Variants in MEGF11 observed in about 807,000 individuals in gnomAD.
The protein encoded by MEGF11 is multiple EGF like domains 11.
In MEGF11, 126 loss-of-function variants were observed where a neutral mutation model predicts 146.6. The observed-to-expected ratio is 0.86, with a 90% CI of 0.74 to 1.00. The LOEUF is 1.00. Ranked by LOEUF, MEGF11 falls within the 50% of genes least tolerant of loss-of-function variation. The pLI is 0.00. For missense variants in MEGF11, 1,509 were observed against 1,521.2 expected (o/e 0.99, Z 0.13); for synonymous variants, 532 against 583.4 (o/e 0.91, Z 1.27).
In MEGF11 at chr15:66,119,102, G is replaced by A. The variant is rs878944232; in HGVS notation, c.285C>T (p.Ser95=). ...RSQCCPGYYE[S]GDFCIPLCTE... ...CCTACATACGTATGCAGAAGTCTCC[G>A]CTCTCATAGTAGCCAGGGCAGCACT... The change falls in exon 4 of 26, where the codon AGC becomes AGT. Residue 95 remains serine (S), a synonymous_variant. Transcript: ENST00000395614. 30 of 1,550,120 alleles carry A rather than the reference G, an allele frequency of 1.9e-5. No individual in the cohort carries two copies. Among genetic ancestry groups the A allele is most frequent in the Middle Eastern group, 1.7e-4 (1 of 6,014 alleles).
At chr15:66,094,969 CCCT>C (rs1237668100) in intron 4 of MEGF11, among the ~76,000 whole-genome samples, 6 of 152,254 alleles carry the variant, frequency 3.9e-5, no homozygotes, top group Middle Eastern at 3.4e-3. Context: ...CACCTTTCTG[CCCT>C]CCTCCCCAAA....
chr15:65,899,383 T>C (rs2078435383), intron 24 of MEGF11, among the ~76,000 whole-genome samples: 2 of 152,316 alleles, frequency 1.3e-5, no homozygotes, highest in African/African-American at 2.4e-5. Context: ...TGTGATGATA[T>C]TCTTGTGAAT....
intron 5 of MEGF11, 146 bp downstream of exon 5, chr15:66,094,256 C>A: frequency 3.3e-6 from 2 of 605,190 alleles, no homozygotes; most frequent in Admixed American, 5.9e-5. Context: ...TGTAGGTATA[C>A]CTCCTCCCTG....
At chr15:66,022,691 G>A (rs910181600) in intron 5 of MEGF11, among the ~76,000 whole-genome samples, 9 of 151,932 alleles carry the variant, frequency 5.9e-5, no homozygotes, top group Admixed American at 2.6e-4. Context: ...TAGCTGAGGC[G>A]TGGTGGCGCA....
chr15:65,915,793 A>C (rs2078978205), intron 18 of MEGF11, among the ~76,000 whole-genome samples, 195 bp from the exon 19 acceptor site: 1 of 151,574 alleles, frequency 6.6e-6, no homozygotes, highest in African/African-American at 2.4e-5. Flanking sequence ...GGGCCCACTC[A>C]CCCCTACTTC....
At chr15:66,253,357 G>T (rs2140280317) in intron 1 of MEGF11, among the ~76,000 whole-genome samples, 1 of 152,318 alleles carries the variant, frequency 6.6e-6, no homozygotes, top group East Asian at 1.9e-4. Flanking sequence ...TGCCCACATT[G>T]AGGCGCCCTA....
At chr15:66,117,565 C>T (rs562007635) in intron 4 of MEGF11, among the ~76,000 whole-genome samples, 72 of 152,320 alleles carry the variant, frequency 4.7e-4, no homozygotes, top group African/African-American at 1.5e-3. Context: ...TCTGCGCTGA[C>T]GTCCAAACTC....
At chr15:66,001,202 T>C (rs1473875410) in intron 5 of MEGF11, among the ~76,000 whole-genome samples, 1 of 152,072 alleles carries the variant, frequency 6.6e-6, no homozygotes, top group Non-Finnish European at 1.5e-5. Flanking sequence ...CAGATGCTGC[T>C]GGGAAGGCTG....
chr15:66,248,274 A>G (rs1441266415), intron 1 of MEGF11, among the ~76,000 whole-genome samples: 1 of 152,212 alleles, frequency 6.6e-6, no homozygotes, highest in Admixed American at 6.5e-5. Flanking sequence ...AGAACCAACT[A>G]TAGGGCAGAC....
intron 5 of MEGF11, among the ~76,000 whole-genome samples, chr15:66,029,289 T>A (rs917262727): frequency 6.6e-6 from 1 of 152,096 alleles, no homozygotes; most frequent in Non-Finnish European, 1.5e-5. Flanking sequence ...ATGTTCAAGT[T>A]CAAGGGCCTG....
chr15:66,211,577 C>T (rs1014241764), intron 1 of MEGF11, among the ~76,000 whole-genome samples: 2 of 151,518 alleles, frequency 1.3e-5, no homozygotes, highest in African/African-American at 4.8e-5. Context: ...TCAAGGAAGC[C>T]GAGGGTCTCT....
intron 5 of MEGF11, among the ~76,000 whole-genome samples, chr15:66,018,455 C>A (rs1233479756): frequency 2.0e-5 from 3 of 152,184 alleles, no homozygotes; most frequent in Non-Finnish European, 4.4e-5. Context: ...GACTCAGCCC[C>A]GCTGTGGTTT....
At chr15:65,925,936 C>G (rs1015899808) in intron 13 of MEGF11, among the ~76,000 whole-genome samples, 2 of 152,206 alleles carry the variant, frequency 1.3e-5, no homozygotes, top group Non-Finnish European at 2.9e-5. Context: ...AAGCTTCATA[C>G]ACAAGACCTG....
At chr15:65,904,575 A>G (rs1346850946) in intron 24 of MEGF11, among the ~76,000 whole-genome samples, 1 of 152,088 alleles carries the variant, frequency 6.6e-6, no homozygotes, top group Non-Finnish European at 1.5e-5. Context: ...CATCTCCCCA[A>G]AAGGACTGTA....
chr15:66,027,333 C>G lies in MEGF11; in HGVS notation c.395-44845G>C, dbSNP rs894899721. On this transcript the variant is annotated intron_variant, in intron 5 of 25. Transcript: ENST00000395614. ...AACAACTTATCACCCTCTTCTGAGG[C>G]AGCACTGGGCTGTTATGCCTGAGTA... Among the ~76,000 whole-genome samples, 14 of 152,372 alleles carry G rather than the reference C, an allele frequency of 9.2e-5. 1 individual carries two copies. The highest frequency in any genetic ancestry group is 7.2e-4 in the Admixed American group (11 of 15,302).
At chr15:66,235,426 T>C (rs1242208282) in intron 1 of MEGF11, among the ~76,000 whole-genome samples, 8 of 151,710 alleles carry the variant, frequency 5.3e-5, no homozygotes, top group Admixed American at 5.3e-4. Context: ...TGCTTGAGCC[T>C]GGGAGGTTGA....
chr15:65,999,681 A>G (rs1384074051), intron 5 of MEGF11, among the ~76,000 whole-genome samples: 2 of 152,234 alleles, frequency 1.3e-5, no homozygotes, highest in East Asian at 1.9e-4. Flanking sequence ...CCATCAGGAT[A>G]TGATACAAAA....
intron 5 of MEGF11, among the ~76,000 whole-genome samples, chr15:66,032,269 G>C (rs532157899): frequency 6.6e-6 from 1 of 152,312 alleles, no homozygotes; most frequent in East Asian, 1.9e-4. Flanking sequence ...AAATTACCCA[G>C]TCTGTGGTAT....
chr15:66,153,369 T>A (rs925778648), intron 1 of MEGF11, among the ~76,000 whole-genome samples: 5 of 152,144 alleles, frequency 3.3e-5, no homozygotes, highest in Middle Eastern at 3.4e-3. Context: ...GGTCAGGAGA[T>A]CAAGACCATC....
Sources: gnomAD v4.1 joint callset for allele counts (sites outside exome capture counted in the v4.1 genomes callset) on GRCh38, gnomAD v4.1.1 for gene constraint, MANE v1.5 for transcripts, NCBI Gene and HGNC (gene_info 2026-07-23, HGNC 2026-07-21) for gene names.